Variants in NAV2 observed in about 807,000 individuals in gnomAD.
NAV2 encodes the protein helicase, APC down-regulated 1.
NAV2 carries 54 observed loss-of-function variants against 223.2 expected under a neutral mutation model. That is an observed-to-expected ratio of 0.24 (90% confidence interval 0.19 to 0.30). NAV2 has a LOEUF of 0.30. Among genes scored for constraint, NAV2 ranks in the 10% least tolerant of loss-of-function variants. The pLI, the probability that NAV2 is intolerant of heterozygous loss-of-function variation, is 1.00. For missense variants in NAV2, 2,806 were observed against 3,147.5 expected (o/e 0.89, Z 2.60); for synonymous variants, 1,279 against 1,239.3 (o/e 1.03, Z -0.67).
chr11:19,645,687 T>C (rs2047796575), intron 1 of NAV2, among the ~76,000 whole-genome samples: 1 of 152,130 alleles, frequency 6.6e-6, no homozygotes, highest in Non-Finnish European at 1.5e-5. Context: ...GCACTTGCTA[T>C]ATGATTCAAA....
chr11:19,673,500 T>C (rs1444160494), intron 1 of NAV2, among the ~76,000 whole-genome samples: 1 of 152,208 alleles, frequency 6.6e-6, no homozygotes, highest in Non-Finnish European at 1.5e-5. Context: ...AAACCTCTCC[T>C]CTCACCACCC....
chr11:19,467,597 C>A, intron 1 of NAV2, among the ~76,000 whole-genome samples: 1 of 152,310 alleles, frequency 6.6e-6, no homozygotes, highest in East Asian at 1.9e-4. Context: ...TTAAAGGTAA[C>A]TGATGCCCAG....
chr11:19,352,917 TGTGTTTGTGG>T (rs1335185049), intron 1 of NAV2, among the ~76,000 whole-genome samples: 9 of 152,176 alleles, frequency 5.9e-5, no homozygotes, highest in African/African-American at 2.2e-4. Flanking sequence ...TGTGCATGTG[TGTGTTTGTGG>T]GTAAACATAC....
chr11:19,557,013 T>C (rs1244461599), intron 1 of NAV2, among the ~76,000 whole-genome samples: 1 of 152,222 alleles, frequency 6.6e-6, no homozygotes, highest in Non-Finnish European at 1.5e-5. Context: ...TTCTCTCTAA[T>C]TCCAAAATTT....
In NAV2 at chr11:19,835,657, T is replaced by C. The variant is rs192209742; in HGVS notation, c.385+3056T>C. Among the ~76,000 whole-genome samples the C allele has an allele frequency of 1.2e-3, 182 of 152,274 alleles. 2 individuals are homozygous for C. The highest frequency in any genetic ancestry group is 1.5e-4 in the Non-Finnish European group (10 of 68,026). ...AAGAAAATGTAAAAATATATTTGTA[T>C]GTGTACACATATTTAATATACACAT... On this transcript the variant is annotated intron_variant, in intron 2 of 37. Coordinates refer to ENST00000349880, the MANE Select transcript of NAV2 (RefSeq NM_145117.5).
chr11:20,023,012 G>A, intron 11 of NAV2: 2 of 1,519,944 alleles, frequency 1.3e-6, no homozygotes, highest in South Asian at 2.4e-5. Flanking sequence ...CCCTGGCCCA[G>A]TGTGGGCTGG....
chr11:19,396,265 A>G lies in NAV2; in HGVS notation c.75+45238A>G, dbSNP rs141232604. On this transcript the variant is annotated intron_variant, in intron 1 of 37. Transcript: ENST00000360655. ...GCTAGCATTTGAGCACTTTGTAGCC[A>G]GTAGCTGTCTATACTATTATCCAAG... is the stretch of plus-strand genomic sequence containing the variant. Among the ~76,000 whole-genome samples the G allele has an allele frequency of 8.0e-4, 122 of 152,274 alleles. 2 individuals carry two copies. In the East Asian group the frequency reaches 0.022, roughly 27 times the overall value.
chr11:20,067,637 C>T (rs1243660294), intron 20 of NAV2, among the ~76,000 whole-genome samples: 1 of 145,040 alleles, frequency 6.9e-6, no homozygotes, highest in Non-Finnish European at 1.5e-5. Flanking sequence ...GCCATCACAC[C>T]CGGCTAATTT....
intron 5 of NAV2, among the ~76,000 whole-genome samples, chr11:19,883,614 G>C (rs1480335735): frequency 6.6e-6 from 1 of 152,152 alleles, no homozygotes; most frequent in Non-Finnish European, 1.5e-5. Context: ...TCTTACCTCA[G>C]ATCCTTTCAT....
chr11:19,436,525 T>C (rs1276575611), intron 1 of NAV2, among the ~76,000 whole-genome samples: 3 of 152,008 alleles, frequency 2.0e-5, no homozygotes, highest in Admixed American at 6.6e-5. Flanking sequence ...CCAAGCTTTG[T>C]TTTTTTTCCT....
intron 1 of NAV2, among the ~76,000 whole-genome samples, chr11:19,409,804 C>T (rs1850062313): frequency 6.6e-6 from 1 of 152,198 alleles, no homozygotes; most frequent in Admixed American, 6.5e-5. Context: ...CTTCAGGTCA[C>T]ACGAATCTTC....
chr11:19,945,912 A>G (rs1031151926), intron 8 of NAV2, among the ~76,000 whole-genome samples: 5 of 152,252 alleles, frequency 3.3e-5, no homozygotes, highest in African/African-American at 1.2e-4. Flanking sequence ...GGAAGAAGGC[A>G]ACCTTTCTCT....
intron 1 of NAV2, among the ~76,000 whole-genome samples, chr11:19,589,768 C>A (rs760236815): frequency 1.3e-5 from 2 of 152,146 alleles, no homozygotes; most frequent in Non-Finnish European, 2.9e-5. Context: ...CTGCTCCCAG[C>A]GTGGGAGCAC....
intron 1 of NAV2, among the ~76,000 whole-genome samples, chr11:19,745,735 C>T (rs1378748235): frequency 6.6e-6 from 1 of 152,174 alleles, no homozygotes; most frequent in South Asian, 2.1e-4. Flanking sequence ...ACCTAGATCC[C>T]TCGCATGTGC....
At chr11:19,592,063 G>A (rs1011452971) in intron 1 of NAV2, among the ~76,000 whole-genome samples, 4 of 152,172 alleles carry the variant, frequency 2.6e-5, no homozygotes, top group African/African-American at 4.8e-5. Flanking sequence ...CAGCATCCAC[G>A]TACGTTTGGA....
chr11:20,035,948 TG>T lies in NAV2; in HGVS notation c.2769-10del. On this transcript the variant is annotated splice_polypyrimidine_tract_variant and intron_variant, in intron 11 of 37. Coordinates refer to ENST00000349880, the MANE Select transcript of NAV2 (RefSeq NM_145117.5). The stretch of plus-strand genomic sequence containing the variant: ...GGTTTTGGTGCTCAGGATGTGTGTT[TG>T]TCTTGGCAGCTGGGACGACAGCAGC... The T allele has an allele frequency of 6.2e-7, 1 of 1,614,098 alleles. No individual in the cohort carries two copies. Among genetic ancestry groups the T allele is most frequent in the Non-Finnish European group, 8.5e-7 (1 of 1,179,992 alleles).
chr11:19,527,960 AC>A (rs2043896412), intron 1 of NAV2, among the ~76,000 whole-genome samples: 1 of 151,906 alleles, frequency 6.6e-6, no homozygotes, highest in African/African-American at 2.4e-5. Context: ...ACACACACAC[AC>A]ACACACACAC....
chr11:19,824,320 C>T (rs185119082), intron 1 of NAV2, among the ~76,000 whole-genome samples: 192 of 152,276 alleles, frequency 1.3e-3, no homozygotes, highest in African/African-American at 4.4e-3. Flanking sequence ...TAGACACTTG[C>T]CTTTATGATT....
At chr11:19,360,268 T>C (rs1420569437) in intron 1 of NAV2, among the ~76,000 whole-genome samples, 1 of 152,180 alleles carries the variant, frequency 6.6e-6, no homozygotes, top group East Asian at 1.9e-4. Flanking sequence ...CCACCTTTGA[T>C]GTATGTGTCC....
Sources: gnomAD v4.1 joint callset for allele counts (sites outside exome capture counted in the v4.1 genomes callset) on GRCh38, gnomAD v4.1.1 for gene constraint, MANE v1.5 for transcripts, NCBI Gene and HGNC (gene_info 2026-07-23, HGNC 2026-07-21) for gene names.